Variants in PRKCE observed in about 807,000 individuals in gnomAD.
PRKCE encodes the protein protein kinase C epsilon type.
Under a neutral mutation model 85.4 loss-of-function variants are expected in PRKCE, and 16 were observed. The observed-to-expected ratio is 0.19, with a 90% confidence interval of 0.13 to 0.28. The LOEUF (loss-of-function observed/expected upper bound fraction) is 0.28, where lower values mean the gene tolerates loss of function less well. Ranked by LOEUF, PRKCE falls within the 10% of genes least tolerant of loss-of-function variation. PRKCE has a pLI of 1.00. For missense variants in PRKCE, 573 were observed against 975.2 expected, an observed-to-expected ratio of 0.59 and a Z score of 5.49; for synonymous variants, 388 against 371.5, an observed-to-expected ratio of 1.04 and a Z score of -0.51.
intron 2 of PRKCE, among the ~76,000 whole-genome samples, chr2:45,890,528 C>T (rs1695646915): frequency 6.6e-6 from 1 of 151,906 alleles, no homozygotes; most frequent in South Asian, 2.1e-4. Flanking sequence ...TACAGGCGCC[C>T]ACCACCACAC....
intron 1 of PRKCE, among the ~76,000 whole-genome samples, chr2:45,824,423 G>A (rs1373982008): frequency 6.6e-6 from 1 of 152,172 alleles, no homozygotes; most frequent in Admixed American, 6.5e-5. Flanking sequence ...AGCTCGGGGA[G>A]TCTCTTAAGC....
At chr2:46,033,771 G>A (rs1214276767) in intron 10 of PRKCE, among the ~76,000 whole-genome samples, 1 of 152,232 alleles carries the variant, frequency 6.6e-6, no homozygotes, top group Non-Finnish European at 1.5e-5. Flanking sequence ...ATGCCGGGCT[G>A]CTGGAGGAGT....
intron 6 of PRKCE, among the ~76,000 whole-genome samples, chr2:45,985,439 G>T (rs1703237949): frequency 6.6e-6 from 1 of 152,060 alleles, no homozygotes; most frequent in Non-Finnish European, 1.5e-5. Context: ...TGCACGGTTG[G>T]GCAACCGTGA....
At chr2:45,862,338 A>G (rs1220651863) in intron 2 of PRKCE, among the ~76,000 whole-genome samples, 3 of 151,920 alleles carry the variant, frequency 2.0e-5, no homozygotes, top group Admixed American at 2.0e-4. Context: ...TCCAGGTCTC[A>G]CCACCTCCAT....
At chr2:45,810,418 A>T (rs932328284) in intron 1 of PRKCE, among the ~76,000 whole-genome samples, 2 of 152,236 alleles carry the variant, frequency 1.3e-5, no homozygotes, top group African/African-American at 4.8e-5. Flanking sequence ...GATTTTATTT[A>T]ACTAATTAAT....
At chr2:46,129,051 C>G (rs1295147156) in intron 11 of PRKCE, among the ~76,000 whole-genome samples, 5 of 152,172 alleles carry the variant, frequency 3.3e-5, no homozygotes, top group Non-Finnish European at 5.9e-5. Flanking sequence ...GTTTCCCACT[C>G]CTATACTAGC....
At chr2:45,894,485 A>G (rs1695978067) in intron 2 of PRKCE, among the ~76,000 whole-genome samples, 1 of 151,278 alleles carries the variant, frequency 6.6e-6, no homozygotes, top group Admixed American at 6.6e-5. Flanking sequence ...AGAATCTCTT[A>G]AGATGACACA....
intron 2 of PRKCE, among the ~76,000 whole-genome samples, chr2:45,861,927 G>C (rs1182674421): frequency 6.6e-6 from 1 of 152,056 alleles, no homozygotes; most frequent in East Asian, 1.9e-4. Flanking sequence ...AAGTAAGTTG[G>C]AATAGTAGCT....
At chr2:46,037,021 C>T (rs1707906277) in intron 10 of PRKCE, among the ~76,000 whole-genome samples, 1 of 152,216 alleles carries the variant, frequency 6.6e-6, no homozygotes, top group Non-Finnish European at 1.5e-5. Context: ...AGGACGGACC[C>T]TCCTCCTCGC....
At chr2:45,784,676 C>T (rs1299425439) in intron 1 of PRKCE, among the ~76,000 whole-genome samples, 2 of 151,938 alleles carry the variant, frequency 1.3e-5, no homozygotes, top group Non-Finnish European at 2.9e-5. Flanking sequence ...AAATTTCAAA[C>T]ACTTACAAAA....
rs552355171 is a variant in PRKCE, at chr2:46,174,792, C to G, written c.2068-9943C>G. On this transcript the variant is annotated intron_variant, in intron 14 of 14. Transcript: ENST00000306156. Reference sequence around the variant, plus strand: ...GCAACCTCTACCTCCTGGACTCAAGCCAACCTCACACCTCCGCCTCCTGAG... The same window carrying G: ...GCAACCTCTACCTCCTGGACTCAAGGCAACCTCACACCTCCGCCTCCTGAG... Among the ~76,000 whole-genome samples the G allele has an allele frequency of 8.3e-4, 126 of 152,254 alleles. No individual in the cohort carries two copies. In the South Asian group the frequency reaches 0.022, roughly 26 times the overall value.
chr2:45,909,509 G>T lies in PRKCE; in HGVS notation c.412+66446G>T, dbSNP rs376291948. ...GACTATTCCTGAAATGATATTGGTT[G>T]TATTGTTCCTAAAGGGCATAGTTGA... On this transcript the variant is annotated intron_variant, in intron 2 of 14. Coordinates refer to ENST00000306156, the MANE Select transcript of PRKCE (RefSeq NM_005400.3). 7.2e-5 allele frequency among the ~76,000 whole-genome samples: 11 copies of T among 152,328 alleles called. No homozygotes were observed. The East Asian group carries it at 1.2e-3, about 16-fold the overall frequency.
At chr2:46,048,121 C>A (rs561832065) in intron 10 of PRKCE, among the ~76,000 whole-genome samples, 1 of 152,098 alleles carries the variant, frequency 6.6e-6, no homozygotes, top group South Asian at 2.1e-4. Flanking sequence ...CCACCCCCTG[C>A]CCCTTCCATA....
chr2:45,901,448 G>C (rs1411413430), intron 2 of PRKCE, among the ~76,000 whole-genome samples: 1 of 152,098 alleles, frequency 6.6e-6, no homozygotes, highest in Non-Finnish European at 1.5e-5. Flanking sequence ...GGGCCTTCTT[G>C]GAAAGACTTG....
At chr2:45,954,660 G>A (rs952762368) in intron 2 of PRKCE, among the ~76,000 whole-genome samples, 2 of 152,178 alleles carry the variant, frequency 1.3e-5, no homozygotes, top group African/African-American at 2.4e-5. Flanking sequence ...TTAAACAAAG[G>A]GGGAGAACCT....
intron 10 of PRKCE, among the ~76,000 whole-genome samples, chr2:46,058,573 G>A (rs984081267): frequency 3.9e-5 from 6 of 152,178 alleles, no homozygotes; most frequent in African/African-American, 1.4e-4. Context: ...AGATGTGAAC[G>A]CCAGACTCAT....
chr2:45,882,453 T>G (rs1694958796), intron 2 of PRKCE, among the ~76,000 whole-genome samples: 1 of 152,208 alleles, frequency 6.6e-6, no homozygotes, highest in South Asian at 2.1e-4. Flanking sequence ...AGTTATTCTG[T>G]GGTACTGGGT....
chr2:45,767,547 T>A (rs1685007303), intron 1 of PRKCE, among the ~76,000 whole-genome samples: 2 of 152,272 alleles, frequency 1.3e-5, no homozygotes, highest in Non-Finnish European at 2.9e-5. Flanking sequence ...GTTTGGGCTT[T>A]GTAATACTGA....
intron 2 of PRKCE, among the ~76,000 whole-genome samples, chr2:45,899,061 G>A (rs1160751766): frequency 6.6e-6 from 1 of 152,238 alleles, no homozygotes; most frequent in Non-Finnish European, 1.5e-5. Flanking sequence ...TGTCCAATAG[G>A]CCATAGCGCC....
Sources: allele counts gnomAD v4.1 joint callset (sites outside exome capture counted in the v4.1 genomes callset), GRCh38; gene constraint gnomAD v4.1.1; transcripts MANE v1.5; gene names NCBI Gene and HGNC (gene_info 2026-07-23, HGNC 2026-07-21).